Variants in NSD2 observed in about 807,000 individuals in gnomAD.
The protein encoded by NSD2 is nuclear receptor binding SET domain protein 2, also known as histone-lysine N-methyltransferase NSD2.
NSD2 carries 12 observed loss-of-function variants against 139.0 expected under a neutral mutation model. The observed-to-expected ratio is 0.09, with a 90% CI of 0.06 to 0.14. NSD2 has a LOEUF of 0.14. NSD2 is among the 10% of genes least tolerant of loss of function. The pLI, the probability that NSD2 is intolerant of heterozygous loss-of-function variation, is 1.00. For missense variants in NSD2, 1,155 were observed against 1,745.0 expected, an observed-to-expected ratio of 0.66 and a Z score of 6.02; for synonymous variants, 669 against 648.7, an observed-to-expected ratio of 1.03 and a Z score of -0.48.
Position 1,956,241 on chromosome 4 carries a change from C to A in NSD2, c.2881+53C>A. 2 of 1,443,066 alleles carry A rather than the reference C, an allele frequency of 1.4e-6. No individual in the cohort carries two copies. Among genetic ancestry groups the A allele is most frequent in the Middle Eastern group, 1.9e-4 (1 of 5,272 alleles). 89.4% of individuals were successfully genotyped at this position (1,443,066 alleles called of 1,614,324 possible). ...GACAGCACTCTCGTGCATTTTCTTA[C>A]CCCTAATTTCTATTTTTTAAAATTT... On this transcript the variant is annotated intron_variant, in intron 15 of 21. Transcript: ENST00000508803. The surrounding 1 kb of genome is among the most constrained non-coding windows in gnomAD (Gnocchi z 5.3).
At position 1,980,283 on chromosome 4, in the gene NSD2, G is replaced by C; in HGVS notation, c.*1374G>C. 4.3e-6 allele frequency: 1 copy of C among 232,910 alleles called. No individual in the cohort carries two copies. The highest frequency in any genetic ancestry group is 6.0e-5 in the East Asian group (1 of 16,584). The allele number at this position is 232,910 out of a possible 1,614,324, so 14.4% of individuals were successfully genotyped here. On this transcript the variant is annotated 3_prime_UTR_variant, in exon 22 of 22. Coordinates refer to ENST00000508803, the MANE Select transcript of NSD2 (RefSeq NM_001042424.3). ...TTTAAGACTTGGTTCTTTTTTTGAG[G>C]GATCCTTGACCCTGGGAAGTCTGGA...
rs1725051721 is a variant in NSD2, at chr4:1,958,489, A to ACTTAT, written c.2985+453_2985+454insCTTAT. On this transcript the variant is annotated intron_variant, in intron 16 of 21. Coordinates refer to ENST00000508803, the MANE Select transcript of NSD2 (RefSeq NM_001042424.3). This position sits in a 1 kb window ranked among gnomAD's most constrained non-coding sequence, Gnocchi z 4.6. Reference sequence around the variant, plus strand: ...CTGTGTTTATTCCAGTGAGCTCGAGAGCCCCAGCAGGAGGAAGTGCAGCCA... The same window carrying ACTTAT: ...CTGTGTTTATTCCAGTGAGCTCGAGACTTATGCCCCAGCAGGAGGAAGTGCAGCCA... Among the ~76,000 whole-genome samples the ACTTAT allele has an allele frequency of 6.6e-6, 1 of 152,188 alleles. No individual in the cohort carries two copies. Among genetic ancestry groups the ACTTAT allele is most frequent in the Non-Finnish European group, 1.5e-5 (1 of 68,022 alleles).
intron 18 of NSD2, among the ~76,000 whole-genome samples, chr4:1,967,107 C>T (rs141332896): frequency 7.9e-5 from 12 of 152,186 alleles, no homozygotes; most frequent in Non-Finnish European, 1.5e-4. Context: ...ATTACTGCTT[C>T]TACAGAAATA....
Position 1,940,415 on chromosome 4 carries a change from T to C in NSD2, c.1881+637T>C. ...AGCCATTTGGGGCTGCTGCCTGCCA[T>C]CATTGTAACATGACACTTAGACTTT... On this transcript the variant is annotated intron_variant, in intron 9 of 21. Transcript: ENST00000508803. 3.8e-6 allele frequency: 4 copies of C among 1,063,588 alleles called. No homozygotes were observed. The South Asian group carries it at 1.8e-4, about 48-fold the overall frequency. 65.9% of individuals were successfully genotyped at this position (1,063,588 alleles called of 1,614,324 possible). A position where few individuals can be genotyped will look rare whatever the true frequency, so the allele number is the denominator to read the frequency against.
intron 9 of NSD2, chr4:1,947,392 G>A (rs900662498): frequency 9.4e-6 from 10 of 1,060,922 alleles, no homozygotes; most frequent in African/African-American, 1.6e-5. Flanking sequence ...GTTAGAAGAC[G>A]ACTGTGGTGT....
chr4:1,900,590 C>T, intron 1 of NSD2, 36 bp from the exon 2 acceptor site: 1 of 1,412,294 alleles, frequency 7.1e-7, no homozygotes, highest in Non-Finnish European at 9.5e-7. Flanking sequence ...AATGTAATTG[C>T]TTTTTCTTTC....
At position 1,935,053 on chromosome 4, in the gene NSD2, A is replaced by G. The variant is rs192366322; in HGVS notation, c.1556-91A>G. On this transcript the variant is annotated intron_variant, in intron 6 of 21. Transcript: ENST00000508803. ...GAAACCCATCATGGGCTGGATCTGT[A>G]TGTTGAATGCCCTGGGTAGGTTCTC... is the stretch of plus-strand genomic sequence containing the variant. The G allele has an allele frequency of 4.6e-4, 406 of 877,108 alleles. 3 individuals carry two copies. In the Middle Eastern group the frequency reaches 0.015, roughly 32 times the overall value. 54.3% of individuals were successfully genotyped at this position (877,108 alleles called of 1,614,324 possible).
intron 5 of NSD2, among the ~76,000 whole-genome samples, chr4:1,923,355 A>G (rs1388271974): frequency 6.6e-6 from 1 of 151,714 alleles, no homozygotes; most frequent in Non-Finnish European, 1.5e-5. Flanking sequence ...TGTGTCAAGG[A>G]CACCATCGAC....
At chr4:1,920,435 T>C (rs983204902) in intron 5 of NSD2, among the ~76,000 whole-genome samples, 16 of 152,070 alleles carry the variant, frequency 1.1e-4, no homozygotes, top group Non-Finnish European at 1.0e-4. Context: ...CCTTAGGGCT[T>C]TTCTCAGGAA....
At chr4:1,977,503 C>CG (rs1266894744) in intron 21 of NSD2, among the ~76,000 whole-genome samples, 3 of 152,138 alleles carry the variant, frequency 2.0e-5, no homozygotes, top group South Asian at 2.1e-4. Context: ...AGGCCAGGTG[C>CG]GGGGGCTCAT....
In NSD2 at chr4:1,938,441, T is replaced by A. The variant is rs886059317; in HGVS notation, c.1675-10T>A. The A allele has an allele frequency of 7.7e-4, 845 of 1,090,872 alleles. No individual in the cohort carries two copies. Among genetic ancestry groups the A allele is most frequent in the East Asian group, 1.7e-3 (63 of 36,900 alleles). The allele number at this position is 1,090,872 out of a possible 1,614,324, so 67.6% of individuals were successfully genotyped here. A position where few individuals can be genotyped will look rare whatever the true frequency, so the allele number is the denominator to read the frequency against. On this transcript the variant is annotated splice_polypyrimidine_tract_variant and intron_variant, in intron 7 of 21. Transcript: ENST00000508803. ...CTTTTTTTTTTTTTTTTTTTTTTTT[T>A]AAATAATAGAGAGACACAATCACTG...
At chr4:1,906,603 C>A (rs560713415) in intron 3 of NSD2, among the ~76,000 whole-genome samples, 1 of 150,542 alleles carries the variant, frequency 6.6e-6, no homozygotes, top group African/African-American at 2.4e-5. Context: ...TAGTCTGCAA[C>A]AGCTTCTCTG....
intron 9 of NSD2, among the ~76,000 whole-genome samples, chr4:1,949,440 CCAGT>C (rs1276404726): frequency 2.0e-5 from 3 of 152,178 alleles, no homozygotes; most frequent in Non-Finnish European, 4.4e-5. Context: ...CCCACAGTCA[CCAGT>C]CAGAGGCGAC....
intron 5 of NSD2, among the ~76,000 whole-genome samples, chr4:1,925,389 C>CTTTTTTTTTTTTTTTTTTT (rs34335852): frequency 5.3e-5 from 2 of 37,998 alleles, no homozygotes; most frequent in African/African-American, 2.3e-4. Flanking sequence ...CTTTTTCTTT[C>CTTTTTTTTTTTTTTTTTTT]TTTTTTTTTT....
intron 1 of NSD2, among the ~76,000 whole-genome samples, chr4:1,886,309 C>T (rs1299599475): frequency 6.6e-6 from 1 of 152,156 alleles, no homozygotes; most frequent in Non-Finnish European, 1.5e-5. Flanking sequence ...TGGGCTCAGG[C>T]AATTCTCGTG....
chr4:1,951,197 G>A lies in NSD2; in HGVS notation c.2007G>A (p.Val669=). Residue 669 remains valine (V), a synonymous_variant, in exon 10 of 22, where the codon GTG becomes GTA. Coordinates refer to ENST00000508803, the MANE Select transcript of NSD2 (RefSeq NM_001042424.3). The stretch of plus-strand genomic sequence containing the variant: ...GAGTGACTGCCAAAAAGGAGTATGT[G>A]TGCCAGGTGAGGAGAAGGCAGCATC... ...ERGVTAKKEY[V]CQLCEKPGSL... The A allele has an allele frequency of 1.2e-6, 2 of 1,614,136 alleles. No individual in the cohort carries two copies. Among genetic ancestry groups the A allele is most frequent in the Admixed American group, 1.7e-5 (1 of 60,028 alleles).
chr4:1,917,091 T>C, intron 4 of NSD2, 54 bp downstream of exon 4: 1 of 1,460,796 alleles, frequency 6.8e-7, no homozygotes. Flanking sequence ...TTTTTATTCT[T>C]TAAGTTAACT....
rs1222147246 is a variant in NSD2 at position 1,918,442 on chromosome 4, A to T, written c.1229A>T (p.Glu410Val). The change falls in exon 5 of 22, where the codon GAG (glutamate) becomes GTG (valine). Residue 410 changes from glutamate to valine, a missense_variant. Physicochemically the swap from Glu to Val is moderately radical, Grantham distance 121. Around this residue, in one of 8 missense-constraint regions of NSD2, gnomAD observed 420 missense variants for 469.0 expected, o/e 0.90. Coordinates refer to ENST00000508803, the MANE Select transcript of NSD2 (RefSeq NM_001042424.3). Reference sequence around the variant, plus strand: ...AGGGCCAAACTGTGTAGCTCTGCAGAGACCCTGGAGAGTCACCCCGACATA... The same window carrying T: ...AGGGCCAAACTGTGTAGCTCTGCAGTGACCCTGGAGAGTCACCCCGACATA... ...RRRAKLCSSAETLESHPDIGK... is the reference protein window; with the variant it reads ...RRRAKLCSSAVTLESHPDIGK... The T allele has an allele frequency of 5.6e-6, 9 of 1,614,010 alleles. No homozygotes were observed. Among genetic ancestry groups the T allele is most frequent in the African/African-American group, 1.3e-5 (1 of 74,930 alleles).
At chr4:1,881,817 G>A (rs1714727110) in intron 1 of NSD2, among the ~76,000 whole-genome samples, 1 of 152,184 alleles carries the variant, frequency 6.6e-6, no homozygotes, top group Non-Finnish European at 1.5e-5. Flanking sequence ...AAGGCTTTGG[G>A]AAAGACTTCC....
Sources: allele counts gnomAD v4.1 joint callset (sites outside exome capture counted in the v4.1 genomes callset), GRCh38; gene constraint gnomAD v4.1.1; regional missense constraint gnomAD v4.1.1; non-coding constraint Gnocchi (gnomAD v3.1); transcripts MANE v1.5; gene names NCBI Gene and HGNC (gene_info 2026-07-23, HGNC 2026-07-21).